SEMA3A: variants seen among roughly 807,000 people sequenced by gnomAD.
The protein encoded by SEMA3A is semaphorin 3A.
SEMA3A carries 29 observed loss-of-function variants against 97.9 expected under a neutral mutation model. The observed-to-expected ratio is 0.30, with a 90% CI of 0.22 to 0.40. SEMA3A has a LOEUF of 0.40. Among genes scored for constraint, SEMA3A ranks in the 10% least tolerant of loss-of-function variants. The pLI, the probability that SEMA3A is intolerant of heterozygous loss-of-function variation, is 1.00. For synonymous variants in SEMA3A, 321 were observed against 323.7 expected (o/e 0.99, Z 0.09); for missense variants, 763 against 951.3 (o/e 0.80, Z 2.60).
intron 1 of SEMA3A, among the ~76,000 whole-genome samples, chr7:84,393,550 G>A (rs969599247): frequency 7.9e-5 from 12 of 152,108 alleles, no homozygotes. Flanking sequence ...ATGCATCTAT[G>A]ATCAATCATT....
chr7:84,001,890 G>T, intron 12 of SEMA3A, 65 bp downstream of exon 12: 1 of 1,081,884 alleles, frequency 9.2e-7, no homozygotes, highest in Non-Finnish European at 1.4e-6. Context: ...AGTTCAGTGT[G>T]CAGCTGTCCT....
chr7:84,408,779 C>T (rs1804179409), intron 1 of SEMA3A, among the ~76,000 whole-genome samples: 1 of 151,460 alleles, frequency 6.6e-6, no homozygotes, highest in South Asian at 2.1e-4. Flanking sequence ...TCATTCTCAG[C>T]AAACTATCGC....
At chr7:84,147,083 G>A (rs1484808069) in intron 1 of SEMA3A, among the ~76,000 whole-genome samples, 4 of 152,068 alleles carry the variant, frequency 2.6e-5, no homozygotes, top group Admixed American at 2.0e-4. Context: ...AAGAAAGCAC[G>A]TGTTTTTTAA....
intron 3 of SEMA3A, among the ~76,000 whole-genome samples, chr7:84,306,003 G>A (rs1236985502): frequency 1.3e-5 from 2 of 151,578 alleles, no homozygotes; most frequent in Non-Finnish European, 2.9e-5. Flanking sequence ...TATTAGAGAA[G>A]TGGTACTACA....
chr7:84,004,373 C>A (rs1056774414), intron 11 of SEMA3A, among the ~76,000 whole-genome samples: 1 of 151,960 alleles, frequency 6.6e-6, no homozygotes, highest in African/African-American at 2.4e-5. Context: ...TGTTAAATGT[C>A]CATAGAAATG....
At chr7:84,039,988 T>C (rs1792076635) in intron 6 of SEMA3A, among the ~76,000 whole-genome samples, 1 of 152,016 alleles carries the variant, frequency 6.6e-6, no homozygotes, top group Non-Finnish European at 1.5e-5. Flanking sequence ...TCTTATATAA[T>C]AGTAGAGTAG....
At chr7:84,416,696 G>A (rs1804445787) in intron 1 of SEMA3A, among the ~76,000 whole-genome samples, 2 of 152,084 alleles carry the variant, frequency 1.3e-5, no homozygotes. Flanking sequence ...GTGAATAAAG[G>A]TAGGAGCTAT....
intron 1 of SEMA3A, among the ~76,000 whole-genome samples, chr7:84,478,993 G>T (rs1806374299): frequency 1.3e-5 from 2 of 152,058 alleles, no homozygotes; most frequent in Admixed American, 1.3e-4. Flanking sequence ...ATACTAATGT[G>T]CTCCTCAAAA....
At chr7:84,015,928 G>A (rs1791080568) in intron 6 of SEMA3A, among the ~76,000 whole-genome samples, 1 of 152,104 alleles carries the variant, frequency 6.6e-6, no homozygotes, top group African/African-American at 2.4e-5. Context: ...AAGAGTAGGA[G>A]AATAATAGTT....
intron 2 of SEMA3A, among the ~76,000 whole-genome samples, chr7:84,362,147 A>T (rs1382879978): frequency 6.6e-6 from 1 of 151,960 alleles, no homozygotes; most frequent in African/African-American, 2.4e-5. Context: ...GTGGTGGCTC[A>T]CAACTGTTGT....
Position 83,963,188 on chromosome 7 carries a change from C to A in SEMA3A, c.1860+17G>T, listed in dbSNP as rs138784432. The A allele has an allele frequency of 6.8e-6, 11 of 1,611,574 alleles. No individual in the cohort carries two copies. The East Asian group carries it at 2.5e-4, about 36-fold the overall frequency. On this transcript the variant is annotated intron_variant, in intron 16 of 16. Coordinates refer to ENST00000265362, the MANE Select transcript of SEMA3A (RefSeq NM_006080.3). ...GTATCTTAGATATAAATGATCCAGTCAGTTTCATTCCTGTACCTCTTCTTT... is the reference window on the plus strand; with the variant it reads ...GTATCTTAGATATAAATGATCCAGTAAGTTTCATTCCTGTACCTCTTCTTT...
At chr7:84,077,216 A>T (rs944094409) in intron 4 of SEMA3A, among the ~76,000 whole-genome samples, 3 of 152,098 alleles carry the variant, frequency 2.0e-5, no homozygotes, top group Non-Finnish European at 4.4e-5. Flanking sequence ...AAGTAAAGTA[A>T]TAGAACAATT....
intron 1 of SEMA3A, among the ~76,000 whole-genome samples, chr7:84,162,217 A>AT (rs1457925718): frequency 2.6e-5 from 4 of 152,180 alleles, no homozygotes; most frequent in East Asian, 1.9e-4. Context: ...TATTAGGCCT[A>AT]TTTTTTCTCT....
chr7:84,426,278 A>AGATAGAT (rs1804826097), intron 1 of SEMA3A, among the ~76,000 whole-genome samples: 1 of 51,184 alleles, frequency 2.0e-5, no homozygotes. Context: ...ATATATAGAC[A>AGATAGAT]GATAGATAGA....
intron 10 of SEMA3A, 75 bp downstream of exon 10, chr7:84,007,278 G>T: frequency 8.1e-7 from 1 of 1,229,980 alleles, no homozygotes; most frequent in Non-Finnish European, 1.1e-6. Context: ...TTTAATATCT[G>T]TCTGTAGCTG....
chr7:84,444,302 CTCT>C (rs1159795508), intron 1 of SEMA3A, among the ~76,000 whole-genome samples: 2 of 152,044 alleles, frequency 1.3e-5, no homozygotes, highest in African/African-American at 4.8e-5. Context: ...TTATTAAAAG[CTCT>C]TCTTGTCTCT....
chr7:84,457,398 G>A (rs1584338976), intron 1 of SEMA3A, among the ~76,000 whole-genome samples: 2 of 151,882 alleles, frequency 1.3e-5, no homozygotes, highest in Non-Finnish European at 2.9e-5. Flanking sequence ...GTAAGGGGCT[G>A]CAGTCAATGG....
intron 1 of SEMA3A, among the ~76,000 whole-genome samples, chr7:84,388,504 T>G (rs115090269): frequency 2.3e-4 from 35 of 152,126 alleles, no homozygotes; most frequent in African/African-American, 8.4e-4. Flanking sequence ...TTTAAAAAAT[T>G]TTTCAATTTT....
chr7:84,479,288 A>G (rs1806382426), intron 1 of SEMA3A, among the ~76,000 whole-genome samples: 1 of 152,196 alleles, frequency 6.6e-6, no homozygotes, highest in African/African-American at 2.4e-5. Flanking sequence ...ATAGCTGTCA[A>G]TTCCTTAAAA....
Sources: allele counts gnomAD v4.1 joint callset (sites outside exome capture counted in the v4.1 genomes callset), GRCh38; gene constraint gnomAD v4.1.1; transcripts MANE v1.5; gene names NCBI Gene and HGNC (gene_info 2026-07-23, HGNC 2026-07-21).